The following CRELD2 variants were observed in gnomAD, a reference collection of about 807,000 sequenced individuals.
CRELD2 encodes protein disulfide isomerase CRELD2.
CRELD2 carries 33 observed loss-of-function variants against 48.1 expected under a neutral mutation model. That is an observed-to-expected ratio of 0.69 (90% CI 0.52 to 0.92). CRELD2 has a LOEUF of 0.92. Ranked by LOEUF, CRELD2 falls within the 40% of genes least tolerant of loss-of-function variation. The probability of loss-of-function intolerance (pLI) is 0.00; values close to 1 mark genes in which losing one functional copy is unlikely to be tolerated. For synonymous variants in CRELD2, 220 were observed against 203.9 expected (o/e 1.08, Z -0.67); for missense variants, 477 against 482.4 (o/e 0.99, Z 0.10).
intron 5 of CRELD2, 147 bp from the exon 6 acceptor site, chr22:49,922,465 T>C: frequency 6.4e-7 from 1 of 1,561,476 alleles, no homozygotes; most frequent in South Asian, 1.2e-5. Context: ...TTCCTTGGAG[T>C]CCTGGTTTGC....
intron 5 of CRELD2, chr22:49,922,366 A>G (rs1210813038): frequency 1.2e-6 from 2 of 1,611,030 alleles, no homozygotes; most frequent in Non-Finnish European, 1.7e-6. Context: ...GGCGTGGGCC[A>G]CGCATGGATC....
chr22:49,923,236 G>A lies in CRELD2; in HGVS notation c.691G>A (p.Val231Met). ...ACAGCTGTGCCGCTCTGTTCCAGAT[G>A]TGGACGAGTGTGCGGCCGAGCCGCC... ...WVLDEGACVD[V>M]DECAAEPPPC... The change falls in exon 7 of 10, where the codon GTG (valine) becomes ATG (methionine). Residue 231 changes from valine (V) to methionine (M), a missense_variant and splice_region_variant. Val to Met is a conservative substitution (Grantham distance 21). Coordinates refer to ENST00000328268, the MANE Select transcript of CRELD2 (RefSeq NM_024324.5). The A allele has an allele frequency of 6.3e-7, 1 of 1,576,132 alleles. No individual in the cohort carries two copies. Among genetic ancestry groups the A allele is most frequent in the Non-Finnish European group, 8.6e-7 (1 of 1,162,202 alleles).
chr22:49,923,309 C>A lies in CRELD2; in HGVS notation c.764C>A (p.Thr255Lys). The change falls in exon 7 of 10, where the codon ACG (threonine) becomes AAG (lysine). Residue 255 changes from threonine (T) to lysine (K), a missense_variant. Physicochemically the swap from Thr to Lys is moderately conservative, Grantham distance 78. Transcript: ENST00000328268. ...TGTAAGAACGCCAACGGCTCCTACACGTGCGAAGGTGGGCCAGGCGGGCGG... is the reference window on the plus strand; with the variant it reads ...TGTAAGAACGCCAACGGCTCCTACAAGTGCGAAGGTGGGCCAGGCGGGCGG... ...QFCKNANGSY[T>K]CEECDSSCVG... 1.2e-6 allele frequency: 2 copies of A among 1,612,036 alleles called. No individual in the cohort carries two copies. Among genetic ancestry groups the A allele is most frequent in the Non-Finnish European group, 1.7e-6 (2 of 1,179,578 alleles).
chr22:49,921,991 T>C (rs2060692966), intron 5 of CRELD2: 1 of 603,318 alleles, frequency 1.7e-6, no homozygotes, highest in Non-Finnish European at 2.9e-6. Flanking sequence ...TACTCACCTT[T>C]CTCTCTAGTT....
chr22:49,918,648 G>T lies in CRELD2; in HGVS notation c.-122G>T. ...GCGGGTGGGGCGGGGCCTCGCCGGC[G>T]CCGTCAAGTAGCCTGGGGGACAGGC... On this transcript the variant is annotated 5_prime_UTR_variant, in exon 1 of 10. Coordinates refer to ENST00000328268, the MANE Select transcript of CRELD2 (RefSeq NM_024324.5). 2.8e-6 allele frequency: 1 copy of T among 358,714 alleles called. No individual in the cohort carries two copies. The highest frequency in any genetic ancestry group is 4.8e-5 in the Admixed American group (1 of 20,950). 22.2% of individuals were successfully genotyped at this position (358,714 alleles called of 1,614,324 possible).
chr22:49,921,791 GTT>G, intron 5 of CRELD2, 30 bp downstream of exon 5: 1 of 1,584,976 alleles, frequency 6.3e-7, no homozygotes, highest in South Asian at 1.1e-5. Flanking sequence ...TGGCCCCGGG[GTT>G]GAGGCGGGAT....
At chr22:49,925,164 TC>T (rs987461835) in intron 8 of CRELD2, 26 of 337,932 alleles carry the variant, frequency 7.7e-5, no homozygotes, top group African/African-American at 5.0e-4. Context: ...AAAGTGGGCT[TC>T]CTGGGCGCAT....
chr22:49,927,277 G>T lies in CRELD2; in HGVS notation c.1032G>T (p.Pro344=). The T allele has an allele frequency of 1.9e-6, 3 of 1,612,404 alleles. No individual in the cohort carries two copies. Among genetic ancestry groups the T allele is most frequent in the Non-Finnish European group, 2.5e-6 (3 of 1,179,838 alleles). ...AEAEATEGES[P]TQLPSREDL is the part of the protein sequence containing the mutation. ...CAGAAGCCACAGAAGGAGAAAGCCC[G>T]ACACAGCTGCCCTCCCGCGAAGACC... is the stretch of plus-strand genomic sequence containing the variant. The change falls in exon 10 of 10, where the codon CCG becomes CCT. Residue 344 remains proline (P), a synonymous_variant. Coordinates refer to ENST00000328268, the MANE Select transcript of CRELD2 (RefSeq NM_024324.5).
intron 9 of CRELD2, chr22:49,926,566 C>T (rs1157426540): frequency 6.6e-6 from 1 of 152,384 alleles, no homozygotes; most frequent in Non-Finnish European, 1.5e-5. Context: ...CTGCTACCCC[C>T]TCGGTCCCCT....
chr22:49,927,290 T>G lies in CRELD2; in HGVS notation c.1045T>G (p.Ser349Ala). 6.2e-7 allele frequency: 1 copy of G among 1,612,294 alleles called. No individual in the cohort carries two copies. The highest frequency in any genetic ancestry group is 2.2e-5 in the East Asian group (1 of 44,802). ...AGGAGAAAGCCCGACACAGCTGCCC[T>G]CCCGCGAAGACCTGTAATGTGCCGG... is the stretch of plus-strand genomic sequence containing the variant. ...TEGESPTQLPSREDL is the reference protein window; with the variant it reads ...TEGESPTQLPAREDL The change falls in exon 10 of 10, where the codon TCC becomes GCC. Residue 349 changes from serine to alanine, a missense_variant. Transcript: ENST00000328268.
At chr22:49,923,156 GTCA>G in intron 6 of CRELD2, 75 bp from the exon 7 acceptor site, 1 of 1,202,518 alleles carries the variant, frequency 8.3e-7, no homozygotes, top group South Asian at 1.5e-5. Context: ...CACGGGCTGT[GTCA>G]GGCCATGATC....
rs8139422 is a variant in CRELD2, at chr22:49,921,715, C to T, written c.546C>T (p.Asp182=). ...GCCCGCTGTGCACTGACTGCATGGACGGCTACTTCAGCTCGCTCCGGAACG... is the reference window on the plus strand; with the variant it reads ...GCCCGCTGTGCACTGACTGCATGGATGGCTACTTCAGCTCGCTCCGGAACG... The part of the protein sequence containing the change: ...YQGPLCTDCM[D]GYFSSLRNET... The change falls in exon 5 of 10, where the codon GAC becomes GAT. Residue 182 remains aspartate (D), a synonymous_variant. Transcript: ENST00000328268. The T allele has an allele frequency of 3.2e-5, 52 of 1,612,626 alleles. 1 individual carries two copies. Among genetic ancestry groups the T allele is most frequent in the Admixed American group, 1.7e-4 (10 of 59,998 alleles).
rs2060740504 is a variant in CRELD2, at chr22:49,924,714, C to G, written c.868+259C>G. 7 of 298,038 alleles carry G rather than the reference C, an allele frequency of 2.3e-5. No homozygotes were observed. In the South Asian group the frequency reaches 3.2e-4, roughly 13 times the overall value. The allele number at this position is 298,038 out of a possible 1,614,324, so 18.5% of individuals were successfully genotyped here. A position where few individuals can be genotyped will look rare whatever the true frequency, so the allele number is the denominator to read the frequency against. On this transcript the variant is annotated intron_variant, in intron 8 of 9. Coordinates refer to ENST00000328268, the MANE Select transcript of CRELD2 (RefSeq NM_024324.5). Reference sequence around the variant, plus strand: ...GCCTCTCGCCGGTGGCCTCGTTCCCCAGGTCCACCGCCTCTGCTCTCCCTC... The same window carrying G: ...GCCTCTCGCCGGTGGCCTCGTTCCCGAGGTCCACCGCCTCTGCTCTCCCTC...
Position 49,920,373 on chromosome 22 carries a change from G to A in CRELD2, c.415+126G>A, listed in dbSNP as rs550217963. On this transcript the variant is annotated intron_variant, in intron 4 of 9. Coordinates refer to ENST00000328268, the MANE Select transcript of CRELD2 (RefSeq NM_024324.5). The stretch of plus-strand genomic sequence containing the variant: ...AGCTTTCTGTAGGGTCTGGGACCCT[G>A]CCGGATGGCTGCCTCCCCCATCCCC... 9 of 643,838 alleles carry A rather than the reference G, an allele frequency of 1.4e-5. No homozygotes were observed. In the South Asian group the frequency reaches 1.7e-4, roughly 12 times the overall value. 39.9% of individuals were successfully genotyped at this position (643,838 alleles called of 1,614,324 possible). A position where few individuals can be genotyped will look rare whatever the true frequency, so the allele number is the denominator to read the frequency against.
In CRELD2 at chr22:49,918,756, C is replaced by T. The variant is rs188771916; in HGVS notation, c.-14C>T. 6.5e-3 allele frequency: 6,924 copies of T among 1,067,768 alleles called. 31 individuals are homozygous for T. The highest frequency in any genetic ancestry group is 7.9e-3 in the Non-Finnish European group (6,535 of 824,456). 66.1% of individuals were successfully genotyped at this position (1,067,768 alleles called of 1,614,324 possible). The stretch of plus-strand genomic sequence containing the variant: ...CTGGAGCTCCGGCTGCGTCTTCCCG[C>T]AGCGCTACCCGCCATGCGCCTGCCG... On this transcript the variant is annotated 5_prime_UTR_variant, in exon 1 of 10. Transcript: ENST00000328268.
Position 49,923,301 on chromosome 22 carries a change from C to T in CRELD2, c.756C>T (p.Gly252=). 1 of 1,612,060 alleles carries T rather than the reference C, an allele frequency of 6.2e-7. No individual in the cohort carries two copies. Among genetic ancestry groups the T allele is most frequent in the Non-Finnish European group, 8.5e-7 (1 of 1,179,606 alleles). Residue 252 remains glycine, a synonymous_variant, in exon 7 of 10, where the codon GGC becomes GGT. Transcript: ENST00000328268. ...CGCAGTTCTGTAAGAACGCCAACGGCTCCTACACGTGCGAAGGTGGGCCAG... is the reference window on the plus strand; with the variant it reads ...CGCAGTTCTGTAAGAACGCCAACGGTTCCTACACGTGCGAAGGTGGGCCAG... The part of the protein sequence containing the change: ...SAAQFCKNAN[G]SYTCEECDSS...
intron 5 of CRELD2, 138 bp from the exon 6 acceptor site, chr22:49,922,474 G>C: frequency 6.4e-7 from 1 of 1,552,910 alleles, no homozygotes; most frequent in Non-Finnish European, 8.8e-7. Flanking sequence ...GTCCTGGTTT[G>C]CTGAGAATTT....
rs1039604263 is a variant in CRELD2 at position 49,923,159 on chromosome 22, A to G, written c.689-75A>G. The G allele has an allele frequency of 6.6e-6, 8 of 1,216,054 alleles. No individual in the cohort carries two copies. The African/African-American group carries it at 1.2e-4, about 19-fold the overall frequency. The allele number at this position is 1,216,054 out of a possible 1,614,324, so 75.3% of individuals were successfully genotyped here. On this transcript the variant is annotated intron_variant, in intron 6 of 9. Transcript: ENST00000328268. ...GCCGGCCCTGGCCACGGGCTGTGTC[A>G]GGCCATGATCGGTCCTTCCCCGCTC... is the stretch of plus-strand genomic sequence containing the variant.
Position 49,927,369 on chromosome 22 carries a change from G to A in CRELD2, c.*62G>A, listed in dbSNP as rs963933470. On this transcript the variant is annotated 3_prime_UTR_variant, in exon 10 of 10. Coordinates refer to ENST00000328268, the MANE Select transcript of CRELD2 (RefSeq NM_024324.5). Reference sequence around the variant, plus strand: ...GTCCCGTGGAAAATGTGGCCCTGAGGATGCCGTCTCCTGCAGTGGACAGCG... The same window carrying A: ...GTCCCGTGGAAAATGTGGCCCTGAGAATGCCGTCTCCTGCAGTGGACAGCG... 1 of 1,429,212 alleles carries A rather than the reference G, an allele frequency of 7.0e-7. No homozygotes were observed. The highest frequency in any genetic ancestry group is 9.9e-7 in the Non-Finnish European group (1 of 1,013,228). 88.5% of individuals were successfully genotyped at this position (1,429,212 alleles called of 1,614,324 possible).
Sources: allele counts gnomAD v4.1 joint callset, GRCh38; gene constraint gnomAD v4.1.1; transcripts MANE v1.5; gene names NCBI Gene and HGNC (gene_info 2026-07-23, HGNC 2026-07-21).